The following PTPRC variants were observed in gnomAD, a reference collection of about 807,000 sequenced individuals.
The protein encoded by PTPRC is receptor-type tyrosine-protein phosphatase C.
A neutral mutation model predicts 155.9 loss-of-function variants in PTPRC; 44 were observed. That is an observed-to-expected ratio of 0.28 (90% CI 0.22 to 0.36). PTPRC has a LOEUF of 0.36. Among genes scored for constraint, PTPRC ranks in the 10% least tolerant of loss-of-function variants. PTPRC has a pLI of 1.00. For missense variants in PTPRC, 1,401 were observed against 1,564.6 expected, an observed-to-expected ratio of 0.90 and a Z score of 1.76; for synonymous variants, 525 against 533.1, an observed-to-expected ratio of 0.98 and a Z score of 0.21.
At chr1:198,666,408 A>G (rs1345029819) in intron 2 of PTPRC, among the ~76,000 whole-genome samples, 2 of 152,204 alleles carry the variant, frequency 1.3e-5, no homozygotes, top group African/African-American at 4.8e-5. Context: ...TTTAGTGATC[A>G]TAGTGGCTCC....
In PTPRC at chr1:198,749,565, G is replaced by T. The variant is rs747700727; in HGVS notation, c.3072+16G>T. ...TTTTATAATGGTAGGTACTTAAATT[G>T]CCAAAACCCAAGATCCAAACATTTT... On this transcript the variant is annotated intron_variant, in intron 28 of 32. Coordinates refer to ENST00000442510, the MANE Select transcript of PTPRC (RefSeq NM_002838.5). 38 of 1,608,194 alleles carry T rather than the reference G, an allele frequency of 2.4e-5. No homozygotes were observed. Among genetic ancestry groups the T allele is most frequent in the Non-Finnish European group, 3.1e-5 (36 of 1,176,090 alleles).
At chr1:198,713,611 G>GA (rs937497209) in intron 12 of PTPRC, among the ~76,000 whole-genome samples, 1 of 151,832 alleles carries the variant, frequency 6.6e-6, no homozygotes, top group Non-Finnish European at 1.5e-5. Context: ...AAAAAAAGAA[G>GA]AAGAAAGAAA....
At chr1:198,689,859 G>A (rs1337417937) in intron 2 of PTPRC, among the ~76,000 whole-genome samples, 1 of 152,034 alleles carries the variant, frequency 6.6e-6, no homozygotes, top group Non-Finnish European at 1.5e-5. Context: ...TCTTAATCAG[G>A]TGTATCCATG....
chr1:198,673,068 C>T (rs1176399552), intron 2 of PTPRC, among the ~76,000 whole-genome samples: 1 of 152,074 alleles, frequency 6.6e-6, no homozygotes, highest in East Asian at 1.9e-4. Flanking sequence ...CTGAAATGTA[C>T]TAGAATCTCA....
chr1:198,673,423 A>T (rs1236772382), intron 2 of PTPRC, among the ~76,000 whole-genome samples: 1 of 152,142 alleles, frequency 6.6e-6, no homozygotes, highest in Non-Finnish European at 1.5e-5. Flanking sequence ...AATTATACAT[A>T]CTTCATATTA....
In PTPRC at chr1:198,646,226, A is replaced by T. The variant is rs1662931530; in HGVS notation, c.73+6885A>T. On this transcript the variant is annotated intron_variant, in intron 2 of 32. Transcript: ENST00000442510. ...TCCATTTTAATTTTAATTTTACTGA[A>T]CTAATGTTTAGCAGCATCACTTTCA... 2.0e-5 allele frequency among the ~76,000 whole-genome samples: 3 copies of T among 151,782 alleles called. No individual in the cohort carries two copies. The South Asian group carries it at 6.2e-4, about 31-fold the overall frequency.
At chr1:198,736,949 A>G (rs1220753832) in intron 23 of PTPRC, among the ~76,000 whole-genome samples, 2 of 151,592 alleles carry the variant, frequency 1.3e-5, no homozygotes, top group African/African-American at 4.8e-5. Context: ...AATAATGTTG[A>G]CCACCTTTTT....
At chr1:198,740,256 A>T (rs759782996) in intron 23 of PTPRC, among the ~76,000 whole-genome samples, 1 of 151,902 alleles carries the variant, frequency 6.6e-6, no homozygotes, top group Non-Finnish European at 1.5e-5. Flanking sequence ...ACAAAGCATC[A>T]ATGAAATAAA....
chr1:198,706,611 G>T (rs1652983183), intron 8 of PTPRC, 123 bp from the exon 9 acceptor site: 1 of 1,028,688 alleles, frequency 9.7e-7, no homozygotes, highest in Non-Finnish European at 1.4e-6. Flanking sequence ...GGCACCTAAT[G>T]TGTTTTTTCT....
chr1:198,652,657 A>T (rs1663318176), intron 2 of PTPRC, among the ~76,000 whole-genome samples: 1 of 151,582 alleles, frequency 6.6e-6, no homozygotes, highest in Non-Finnish European at 1.5e-5. Flanking sequence ...AGCATCATTG[A>T]AATGTGAATA....
At chr1:198,673,830 T>C (rs1213609838) in intron 2 of PTPRC, among the ~76,000 whole-genome samples, 1 of 152,218 alleles carries the variant, frequency 6.6e-6, no homozygotes, top group African/African-American at 2.4e-5. Context: ...TTTTCTTAAC[T>C]TTGCTTGTAT....
At chr1:198,694,324 G>A (rs1258851962) in intron 3 of PTPRC, 1 of 356,686 alleles carries the variant, frequency 2.8e-6, no homozygotes, top group Non-Finnish European at 4.2e-6. Context: ...ATTGGGTGGG[G>A]GTGGGGGGGT....
At chr1:198,639,022 G>C, upstream of PTPRC, 2 of 481,500 alleles carry the variant, frequency 4.2e-6, no homozygotes, top group South Asian at 2.7e-5. Flanking sequence ...TTTTGGAGAA[G>C]TTAGTAAAAC....
rs138693692 is a variant in PTPRC, at chr1:198,745,022, G to T, written c.2847+819G>T. ...CAGACACAGGGTAGTCTCAAACAGA[G>T]TAGTGTTTTATTGTTGTTTTCTTGC... On this transcript the variant is annotated intron_variant, in intron 26 of 32. Transcript: ENST00000442510. Among the ~76,000 whole-genome samples the T allele has an allele frequency of 2.9e-4, 44 of 151,894 alleles. No individual in the cohort carries two copies. In the East Asian group the frequency reaches 5.9e-3, roughly 20 times the overall value.
intron 2 of PTPRC, among the ~76,000 whole-genome samples, chr1:198,691,097 T>C (rs977164504): frequency 1.3e-5 from 2 of 152,112 alleles, no homozygotes; most frequent in African/African-American, 4.8e-5. Flanking sequence ...GCTCTCTCCT[T>C]AATATTCACT....
intron 2 of PTPRC, among the ~76,000 whole-genome samples, chr1:198,671,312 C>T (rs1197565840): frequency 6.6e-6 from 1 of 152,100 alleles, no homozygotes; most frequent in Non-Finnish European, 1.5e-5. Flanking sequence ...TATACTTCAC[C>T]TCTCAGAGGC....
At chr1:198,694,287 G>T in intron 3 of PTPRC, 1 of 557,022 alleles carries the variant, frequency 1.8e-6, no homozygotes. Context: ...AGCCGTGCTG[G>T]CAGTTGCTTG....
chr1:198,715,213 C>T (rs943615911), intron 12 of PTPRC, among the ~76,000 whole-genome samples: 2 of 152,086 alleles, frequency 1.3e-5, no homozygotes, highest in Admixed American at 1.3e-4. Context: ...AGCTCCGCCT[C>T]CCAGGTTCAC....
chr1:198,701,560 A>C (rs1221070433), intron 5 of PTPRC, among the ~76,000 whole-genome samples: 1 of 152,190 alleles, frequency 6.6e-6, no homozygotes, highest in Non-Finnish European at 1.5e-5. Context: ...CCTGTGCTGT[A>C]ATTCTGGATG....
Sources: allele counts gnomAD v4.1 joint callset (sites outside exome capture counted in the v4.1 genomes callset), GRCh38; gene constraint gnomAD v4.1.1; transcripts MANE v1.5; gene names NCBI Gene and HGNC (gene_info 2026-07-23, HGNC 2026-07-21).